SERINC1: variants seen among roughly 807,000 people sequenced by gnomAD.
The protein encoded by SERINC1 is tumor differentially expressed protein 2.
A neutral mutation model predicts 52.9 loss-of-function variants in SERINC1; 38 were observed. That is an observed-to-expected ratio of 0.72 (90% CI 0.55 to 0.94). The LOEUF is 0.94. SERINC1 is among the 40% of genes least tolerant of loss of function. The pLI is 0.00. For missense variants in SERINC1, 471 were observed against 533.9 expected (o/e 0.88, Z 1.16); for synonymous variants, 198 against 183.1 (o/e 1.08, Z -0.66).
intron 2 of SERINC1, 30 bp from the exon 3 acceptor site, chr6:122,456,680 C>A (rs753824195): frequency 1.4e-6 from 2 of 1,470,216 alleles, no homozygotes; most frequent in South Asian, 1.4e-5. Context: ...TATGATCCAT[C>A]ATTTTTTTTC....
chr6:122,464,550 A>C (rs760238613), intron 1 of SERINC1, among the ~76,000 whole-genome samples: 37 of 152,330 alleles, frequency 2.4e-4, no homozygotes, highest in Non-Finnish European at 4.9e-4. Context: ...GGCTGATATA[A>C]GACAGAATAC....
chr6:122,471,746 C>T lies in SERINC1; in HGVS notation c.-9G>A, dbSNP rs1049309593. On this transcript the variant is annotated 5_prime_UTR_variant, in exon 1 of 10. Transcript: ENST00000339697. ...CCCAGGACGCTCCCCATCTCCACAA[C>T]GTCACAAGAGCAGCGGATACAGACA... The T allele has an allele frequency of 5.0e-6, 8 of 1,614,014 alleles. No individual in the cohort carries two copies. The highest frequency in any genetic ancestry group is 2.2e-5 in the East Asian group (1 of 44,878).
At chr6:122,448,445 GAA>G (rs1774845781) in intron 7 of SERINC1, among the ~76,000 whole-genome samples, 2 of 152,062 alleles carry the variant, frequency 1.3e-5, no homozygotes, top group African/African-American at 4.8e-5. Flanking sequence ...AATTTTTTAG[GAA>G]AAGAGATCAT....
intron 1 of SERINC1, among the ~76,000 whole-genome samples, chr6:122,471,480 C>T (rs895861565): frequency 3.3e-5 from 5 of 152,212 alleles, no homozygotes; most frequent in African/African-American, 1.2e-4. Flanking sequence ...CTTCCCATCG[C>T]CACTAAACCT....
Position 122,451,680 on chromosome 6 carries a change from A to G in SERINC1, c.834T>C (p.Ala278=). 1.6e-6 allele frequency: 2 copies of G among 1,249,570 alleles called. No homozygotes were observed. Among genetic ancestry groups the G allele is most frequent in the Non-Finnish European group, 2.2e-6 (2 of 912,252 alleles). The allele number at this position is 1,249,570 out of a possible 1,614,324, so 77.4% of individuals were successfully genotyped here. A position where few individuals can be genotyped will look rare whatever the true frequency, so the allele number is the denominator to read the frequency against. Residue 278 remains alanine (A), a synonymous_variant, in exon 7 of 10, where the codon GCT becomes GCC. Transcript: ENST00000339697. ...AAAACACACCTGGTTCATTGGTCATAGCTGACCATGTCAAATACATTGTGT... is the reference window on the plus strand; with the variant it reads ...AAAACACACCTGGTTCATTGGTCATGGCTGACCATGTCAAATACATTGTGT... ...TVYTMYLTWS[A]MTNEPETNCN...
intron 1 of SERINC1, among the ~76,000 whole-genome samples, chr6:122,469,359 T>G (rs989526439): frequency 4.0e-5 from 6 of 150,626 alleles, no homozygotes; most frequent in Admixed American, 2.7e-4. Flanking sequence ...TTACTTTTTT[T>G]TTGTTCTGTT....
chr6:122,457,617 C>T (rs1006418323), intron 2 of SERINC1, among the ~76,000 whole-genome samples: 3 of 152,020 alleles, frequency 2.0e-5, no homozygotes, highest in Non-Finnish European at 4.4e-5. Context: ...AAGAGAGCTG[C>T]TGCTTTCTTT....
intron 7 of SERINC1, 103 bp downstream of exon 7, chr6:122,451,561 C>A: frequency 4.6e-6 from 2 of 435,618 alleles, no homozygotes; most frequent in East Asian, 5.9e-5. Flanking sequence ...CTTTATTCCT[C>A]TAGAAGCCTA....
chr6:122,471,596 G>A, intron 1 of SERINC1, 103 bp downstream of exon 1: 1 of 1,400,524 alleles, frequency 7.1e-7, no homozygotes, highest in South Asian at 1.2e-5. Flanking sequence ...CTCCCTGTTG[G>A]GTGGGGCACC....
chr6:122,462,846 G>T (rs1775127144), intron 1 of SERINC1, among the ~76,000 whole-genome samples: 1 of 152,050 alleles, frequency 6.6e-6, no homozygotes, highest in Non-Finnish European at 1.5e-5. Flanking sequence ...TAAATGAATG[G>T]CAAAATATAC....
At position 122,444,791 on chromosome 6, in the gene SERINC1, A is replaced by G. The variant is rs1246423149; in HGVS notation, c.*253T>C. 6 of 418,818 alleles carry G rather than the reference A, an allele frequency of 1.4e-5. No individual in the cohort carries two copies. Among genetic ancestry groups the G allele is most frequent in the Non-Finnish European group, 2.1e-5 (5 of 235,806 alleles). 25.9% of individuals were successfully genotyped at this position (418,818 alleles called of 1,614,324 possible). A position where few individuals can be genotyped will look rare whatever the true frequency, so the allele number is the denominator to read the frequency against. ...TCATTTCACAACTATAGAGCAGAGAATAAGCCCAATAATGGCCACTTTTAC... is the reference window on the plus strand; with the variant it reads ...TCATTTCACAACTATAGAGCAGAGAGTAAGCCCAATAATGGCCACTTTTAC... On this transcript the variant is annotated 3_prime_UTR_variant, in exon 10 of 10. Transcript: ENST00000339697.
chr6:122,466,136 A>G (rs1469303951), intron 1 of SERINC1, among the ~76,000 whole-genome samples: 1 of 152,136 alleles, frequency 6.6e-6, no homozygotes, highest in Non-Finnish European at 1.5e-5. Flanking sequence ...CAGAAGGCTG[A>G]GGCATTTGAA....
Position 122,443,739 on chromosome 6 carries a change from CAT to C in SERINC1, c.*1303_*1304del. The C allele has an allele frequency of 6.6e-6, 1 of 152,310 alleles. No individual in the cohort carries two copies. Among genetic ancestry groups the C allele is most frequent in the East Asian group, 1.9e-4 (1 of 5,178 alleles). The allele number at this position is 152,310 out of a possible 1,614,324, so 9.4% of individuals were successfully genotyped here. A position where few individuals can be genotyped will look rare whatever the true frequency, so the allele number is the denominator to read the frequency against. On this transcript the variant is annotated 3_prime_UTR_variant, in exon 10 of 10. Transcript: ENST00000339697. ...TGCTGGACACCAGCAATCCACATCA[CAT>C]AAATTATCCACCAGTAATGAGGTGT...
intron 1 of SERINC1, among the ~76,000 whole-genome samples, chr6:122,463,274 A>G (rs1435829862): frequency 6.6e-6 from 1 of 152,222 alleles, no homozygotes; most frequent in African/African-American, 2.4e-5. Flanking sequence ...GTTAACCTTA[A>G]GCCATAATCA....
chr6:122,450,996 C>A (rs751101975), intron 7 of SERINC1, among the ~76,000 whole-genome samples: 2 of 152,088 alleles, frequency 1.3e-5, no homozygotes, highest in Non-Finnish European at 2.9e-5. Context: ...ACTTAATGAA[C>A]CAGGAGCAGG....
Position 122,454,049 on chromosome 6 carries a change from C to A in SERINC1, c.451+102G>T, listed in dbSNP as rs982654135. The A allele has an allele frequency of 6.3e-5, 69 of 1,090,750 alleles. No homozygotes were observed. The African/African-American group carries it at 1.0e-3, about 16-fold the overall frequency. The allele number at this position is 1,090,750 out of a possible 1,614,324, so 67.6% of individuals were successfully genotyped here. A position where few individuals can be genotyped will look rare whatever the true frequency, so the allele number is the denominator to read the frequency against. ...CCAACTGGGGAAACACACACACACA[C>A]ACCCCCAAACAAAAAGACAAACAAT... On this transcript the variant is annotated intron_variant, in intron 4 of 9. Transcript: ENST00000339697.
rs755361658 is a variant in SERINC1 at position 122,451,683 on chromosome 6, T to C, written c.831A>G (p.Ser277=). ...ACACACCTGGTTCATTGGTCATAGC[T>C]GACCATGTCAAATACATTGTGTAGA... ...ITVYTMYLTW[S]AMTNEPETNC... is the part of the protein sequence containing the mutation. Residue 277 remains serine (S), a synonymous_variant, in exon 7 of 10, where the codon TCA becomes TCG. Transcript: ENST00000339697. 1.6e-6 allele frequency: 2 copies of C among 1,280,074 alleles called. No individual in the cohort carries two copies. The highest frequency in any genetic ancestry group is 1.6e-5 in the African/African-American group (1 of 62,934). 79.3% of individuals were successfully genotyped at this position (1,280,074 alleles called of 1,614,324 possible). A position where few individuals can be genotyped will look rare whatever the true frequency, so the allele number is the denominator to read the frequency against.
rs552332424 is a variant in SERINC1, at chr6:122,469,437, C to A, written c.39+2262G>T. Among the ~76,000 whole-genome samples, 6 of 150,662 alleles carry A rather than the reference C, an allele frequency of 4.0e-5. No homozygotes were observed. In the South Asian group the frequency reaches 6.3e-4, roughly 16 times the overall value. On this transcript the variant is annotated intron_variant, in intron 1 of 9. Coordinates refer to ENST00000339697, the MANE Select transcript of SERINC1 (RefSeq NM_020755.4). Reference sequence around the variant, plus strand: ...TGTTGCCCAGGCTGGAGTGCAGTGGCGCCATCTTGGCTCACTGCAGCCTCC... The same window carrying A: ...TGTTGCCCAGGCTGGAGTGCAGTGGAGCCATCTTGGCTCACTGCAGCCTCC...
At chr6:122,465,477 G>T (rs1487473409) in intron 1 of SERINC1, among the ~76,000 whole-genome samples, 1 of 152,188 alleles carries the variant, frequency 6.6e-6, no homozygotes, top group Admixed American at 6.5e-5. Flanking sequence ...TGTACTGAAT[G>T]TGAAGAACCT....
Sources: gnomAD v4.1 joint callset for allele counts (sites outside exome capture counted in the v4.1 genomes callset) on GRCh38, gnomAD v4.1.1 for gene constraint, MANE v1.5 for transcripts, NCBI Gene and HGNC (gene_info 2026-07-23, HGNC 2026-07-21) for gene names.